Variants in NPY1R observed in about 807,000 individuals in gnomAD.
The protein encoded by NPY1R is neuropeptide Y receptor type 1.
NPY1R carries 10 observed loss-of-function variants against 24.1 expected under a neutral mutation model. The observed-to-expected ratio is 0.42, with a 90% CI of 0.26 to 0.71. The LOEUF (loss-of-function observed/expected upper bound fraction) is 0.71, where lower values mean the gene tolerates loss of function less well. NPY1R is among the 30% of genes least tolerant of loss of function. The pLI, the probability that NPY1R is intolerant of heterozygous loss-of-function variation, is 0.28. For synonymous variants in NPY1R, 168 were observed against 165.9 expected (o/e 1.01, Z -0.10); for missense variants, 350 against 458.0 (o/e 0.76, Z 2.15).
intron 1 of NPY1R, among the ~76,000 whole-genome samples, chr4:163,343,503 C>T (rs1039808552): frequency 1.3e-5 from 2 of 151,854 alleles, no homozygotes; most frequent in African/African-American, 2.4e-5. Flanking sequence ...CCCACCGTCC[C>T]CCACCCCAAA....
In NPY1R at chr4:163,324,215, TA is replaced by T. The variant is rs978543847; in HGVS notation, c.*1087del. The T allele has an allele frequency of 3.9e-5, 6 of 152,644 alleles. No individual in the cohort carries two copies. The highest frequency in any genetic ancestry group is 1.4e-4 in the African/African-American group (6 of 41,452). The allele number at this position is 152,644 out of a possible 1,614,324, so 9.5% of individuals were successfully genotyped here. ...CACAAGTCACACAGTTTATACAAGT[TA>T]AAATGGGCTATATGAAGTATCTGCA... On this transcript the variant is annotated 3_prime_UTR_variant, in exon 3 of 3. Transcript: ENST00000296533.
upstream of NPY1R, among the ~76,000 whole-genome samples, chr4:163,337,042 T>C (rs115732843): frequency 0.022 from 3,390 of 152,180 alleles, 123 homozygotes; most frequent in African/African-American, 0.074. Context: ...CATGCAAAAA[T>C]GGCACGAAAT....
intron 1 of NPY1R, chr4:163,343,997 C>G (rs945769502): frequency 2.0e-5 from 3 of 152,404 alleles, no homozygotes; most frequent in African/African-American, 4.8e-5. Flanking sequence ...CGGGGCGCCC[C>G]GAGGTACGGG....
At chr4:163,331,913 G>T (rs1734738028) in intron 1 of NPY1R, among the ~76,000 whole-genome samples, 1 of 152,230 alleles carries the variant, frequency 6.6e-6, no homozygotes. Flanking sequence ...CCGCAAGTGG[G>T]GGTGGGCTTG....
At position 163,332,468 on chromosome 4, in the gene NPY1R, A is replaced by T. The variant is rs945988664; in HGVS notation, c.-152+14T>A. On this transcript the variant is annotated intron_variant, in intron 1 of 2. Transcript: ENST00000296533. ...TCGCAGAAGTCTCTGGAAAGGCATA[A>T]ACTCGCAACTTACCCTCTTTGGAAT... 6.6e-6 allele frequency: 1 copy of T among 152,202 alleles called. No homozygotes were observed. Among genetic ancestry groups the T allele is most frequent in the Non-Finnish European group, 1.5e-5 (1 of 68,084 alleles). The allele number at this position is 152,202 out of a possible 1,614,324, so 9.4% of individuals were successfully genotyped here.
intron 1 of NPY1R, among the ~76,000 whole-genome samples, chr4:163,327,516 T>C (rs893841785): frequency 6.6e-6 from 1 of 152,194 alleles, no homozygotes. Context: ...AAGTGTTCCA[T>C]ATACAAATTT....
chr4:163,325,438 G>T lies in NPY1R; in HGVS notation c.1020C>A (p.Phe340Leu). Reference sequence around the variant, plus strand: ...TTTCATAATCATCATCCCGAGACCGGAAATCACAAAAGTTGAAGAAGAACT... The same window carrying T: ...TTTCATAATCATCATCCCGAGACCGTAAATCACAAAAGTTGAAGAAGAACT... ...DLQFFFNFCD[F>L]RSRDDDYETI... Residue 340 changes from phenylalanine (F) to leucine (L), a missense_variant, in exon 3 of 3, where the codon TTC becomes TTA. Coordinates refer to ENST00000296533, the MANE Select transcript of NPY1R (RefSeq NM_000909.6). 6.2e-7 allele frequency: 1 copy of T among 1,614,112 alleles called. No individual in the cohort carries two copies. The highest frequency in any genetic ancestry group is 8.5e-7 in the Non-Finnish European group (1 of 1,179,988).
upstream of NPY1R, among the ~76,000 whole-genome samples, chr4:163,335,444 G>GTT (rs1199182968): frequency 6.6e-6 from 1 of 152,156 alleles, no homozygotes; most frequent in Non-Finnish European, 1.5e-5. Flanking sequence ...AAATAAAAGT[G>GTT]TGACAGTATG....
upstream of NPY1R, among the ~76,000 whole-genome samples, chr4:163,335,605 A>G (rs1734823594): frequency 6.6e-6 from 1 of 152,180 alleles, no homozygotes. Context: ...TTAATACTAC[A>G]CGAGAAAACT....
chr4:163,328,976 T>G (rs1279931518), intron 1 of NPY1R, among the ~76,000 whole-genome samples: 1 of 152,190 alleles, frequency 6.6e-6, no homozygotes, highest in Non-Finnish European at 1.5e-5. Context: ...GAATAGTAGG[T>G]TCTTGGGTAA....
At chr4:163,329,420 G>A (rs1323903847) in intron 1 of NPY1R, among the ~76,000 whole-genome samples, 2 of 152,062 alleles carry the variant, frequency 1.3e-5, no homozygotes, top group Admixed American at 6.5e-5. Flanking sequence ...GGCCAACATG[G>A]TGAAACCTTG....
At chr4:163,342,879 C>G (rs1471421792) in intron 1 of NPY1R, among the ~76,000 whole-genome samples, 1 of 152,002 alleles carries the variant, frequency 6.6e-6, no homozygotes, top group Non-Finnish European at 1.5e-5. Flanking sequence ...GGTACAATAA[C>G]TACACCCTTT....
intron 1 of NPY1R, among the ~76,000 whole-genome samples, chr4:163,340,224 C>G (rs893455416): frequency 6.6e-6 from 1 of 151,366 alleles, no homozygotes; most frequent in Non-Finnish European, 1.5e-5. Flanking sequence ...TTTTAAACTA[C>G]AAAAGGAAAT....
In NPY1R at chr4:163,325,390, G is replaced by A. The variant is rs1734580303; in HGVS notation, c.1068C>T (p.His356=). Residue 356 remains histidine, a synonymous_variant, in exon 3 of 3, where the codon CAC becomes CAT. Coordinates refer to ENST00000296533, the MANE Select transcript of NPY1R (RefSeq NM_000909.6). ...DYETIAMSTM[H]TDVSKTSLKQ... is the part of the protein sequence containing the mutation. Reference sequence around the variant, plus strand: ...TCAAAGAAGTTTTGGAAACATCTGTGTGCATCGTGGACATGGCTATTGTTT... The same window carrying A: ...TCAAAGAAGTTTTGGAAACATCTGTATGCATCGTGGACATGGCTATTGTTT... 3 of 1,613,954 alleles carry A rather than the reference G, an allele frequency of 1.9e-6. No individual in the cohort carries two copies. Among genetic ancestry groups the A allele is most frequent in the South Asian group, 2.2e-5 (2 of 91,080 alleles).
rs1394554201 is a variant in NPY1R, at chr4:163,324,470, T to A, written c.*833A>T. 2 of 151,978 alleles carry A rather than the reference T, an allele frequency of 1.3e-5. No homozygotes were observed. The highest frequency in any genetic ancestry group is 2.9e-5 in the Non-Finnish European group (2 of 68,006). 9.4% of individuals were successfully genotyped at this position (151,978 alleles called of 1,614,324 possible). A position where few individuals can be genotyped will look rare whatever the true frequency, so the allele number is the denominator to read the frequency against. On this transcript the variant is annotated 3_prime_UTR_variant, in exon 3 of 3. Coordinates refer to ENST00000296533, the MANE Select transcript of NPY1R (RefSeq NM_000909.6). ...AACACTGAACAGTCTGTAAAAAAAA[T>A]GGAAAATCTCTTGACCATCAATTCA...
Position 163,325,428 on chromosome 4 carries a change from C to A in NPY1R, c.1030G>T (p.Asp344Tyr). 6.2e-7 allele frequency: 1 copy of A among 1,614,040 alleles called. No individual in the cohort carries two copies. The highest frequency in any genetic ancestry group is 1.1e-5 in the South Asian group (1 of 91,072). The change falls in exon 3 of 3, where the codon GAT becomes TAT. Residue 344 changes from aspartate (D) to tyrosine (Y), a missense_variant. Transcript: ENST00000296533. The stretch of plus-strand genomic sequence containing the variant: ...ATGGCTATTGTTTCATAATCATCAT[C>A]CCGAGACCGGAAATCACAAAAGTTG... ...FFNFCDFRSRDDDYETIAMST... is the reference protein window; with the variant it reads ...FFNFCDFRSRYDDYETIAMST...
intron 1 of NPY1R, 59 bp from the exon 2 acceptor site, chr4:163,326,764 T>G (rs1356904216): frequency 2.3e-6 from 1 of 443,314 alleles, no homozygotes; most frequent in Non-Finnish European, 4.0e-6. Flanking sequence ...TCAAAATGAC[T>G]TCTGACTCAC....
At chr4:163,333,956 T>A (rs1423723903), upstream of NPY1R, among the ~76,000 whole-genome samples, 1 of 152,154 alleles carries the variant, frequency 6.6e-6, no homozygotes, top group Non-Finnish European at 1.5e-5. Flanking sequence ...TCTCTAATGG[T>A]TAAGCAGAGT....
In NPY1R at chr4:163,331,747, C is replaced by G. The variant is rs116667739; in HGVS notation, c.-152+735G>C. On this transcript the variant is annotated intron_variant, in intron 1 of 2. Transcript: ENST00000296533. ...CATTCCCAATCTCCTAACCCAGCCA[C>G]GTTCCATCATTACTTTTCTAAAAGA... Among the ~76,000 whole-genome samples the G allele has an allele frequency of 5.1e-3, 770 of 152,348 alleles. 6 individuals carry two copies. The highest frequency in any genetic ancestry group is 0.017 in the African/African-American group (708 of 41,586).
Sources: allele counts gnomAD v4.1 joint callset (sites outside exome capture counted in the v4.1 genomes callset), GRCh38; gene constraint gnomAD v4.1.1; transcripts MANE v1.5; gene names NCBI Gene and HGNC (gene_info 2026-07-23, HGNC 2026-07-21).